NCKAP5: variants seen among roughly 807,000 people sequenced by gnomAD.
NCKAP5 encodes the protein NCK associated protein 5.
In NCKAP5, 92 loss-of-function variants were observed where a neutral mutation model predicts 167.0. That is an observed-to-expected ratio of 0.55 (90% CI 0.47 to 0.66). NCKAP5 has a LOEUF of 0.66. Among genes scored for constraint, NCKAP5 ranks in the 30% least tolerant of loss-of-function variants. The probability of loss-of-function intolerance (pLI) is 0.00; values close to 1 mark genes in which losing one functional copy is unlikely to be tolerated. For missense variants in NCKAP5, 2,378 were observed against 2,315.0 expected, an observed-to-expected ratio of 1.03 and a Z score of -0.56; for synonymous variants, 891 against 877.4, an observed-to-expected ratio of 1.02 and a Z score of -0.27.
At chr2:132,758,355 A>G (rs1680726517) in intron 16 of NCKAP5, among the ~76,000 whole-genome samples, 1 of 152,210 alleles carries the variant, frequency 6.6e-6, no homozygotes, top group Non-Finnish European at 1.5e-5. Context: ...TTGTAAATCT[A>G]CAAGTCATTT....
At chr2:133,202,195 C>T (rs1452723649) in intron 5 of NCKAP5, among the ~76,000 whole-genome samples, 5 of 152,032 alleles carry the variant, frequency 3.3e-5, no homozygotes, top group Non-Finnish European at 5.9e-5. Context: ...GAGATATAGA[C>T]CAATGGAACA....
intron 6 of NCKAP5, 63 bp downstream of exon 6, chr2:133,129,915 A>C: frequency 6.8e-7 from 1 of 1,481,362 alleles, no homozygotes; most frequent in East Asian, 2.5e-5. Context: ...ATTCAATCCA[A>C]GGTGTTACTG....
At chr2:133,431,872 C>A (rs1408261985) in intron 3 of NCKAP5, 2 of 152,026 alleles carry the variant, frequency 1.3e-5, no homozygotes, top group Admixed American at 1.3e-4. Context: ...GGAATCAAAT[C>A]CATTTACATG....
intron 6 of NCKAP5, among the ~76,000 whole-genome samples, chr2:133,056,622 C>T (rs2079810171): frequency 6.6e-6 from 1 of 152,144 alleles, no homozygotes. Flanking sequence ...TAGTTAAAGG[C>T]TACATGGGCT....
At chr2:133,123,935 C>A (rs991967794) in intron 6 of NCKAP5, 7 of 379,468 alleles carry the variant, frequency 1.8e-5, no homozygotes, top group Non-Finnish European at 3.3e-5. Context: ...TCCAAATGGG[C>A]AGCAGAAAAT....
intron 4 of NCKAP5, among the ~76,000 whole-genome samples, chr2:133,239,854 G>A (rs545505170): frequency 5.3e-4 from 80 of 152,200 alleles, no homozygotes; most frequent in Admixed American, 1.5e-3. Context: ...CTTACCTAGG[G>A]GATGTTTCCA....
intron 8 of NCKAP5, among the ~76,000 whole-genome samples, chr2:132,940,023 T>G (rs1697173938): frequency 6.6e-6 from 1 of 152,072 alleles, no homozygotes; most frequent in Non-Finnish European, 1.5e-5. Context: ...CATAGTAGTC[T>G]TTTATCCCTC....
At chr2:132,907,125 A>G (rs978233694) in intron 8 of NCKAP5, among the ~76,000 whole-genome samples, 1 of 152,234 alleles carries the variant, frequency 6.6e-6, no homozygotes, top group Non-Finnish European at 1.5e-5. Context: ...ATATTACTAA[A>G]CATTACTTTT....
intron 2 of NCKAP5, among the ~76,000 whole-genome samples, chr2:133,553,002 C>A (rs1310552162): frequency 6.6e-6 from 1 of 152,120 alleles, no homozygotes; most frequent in Non-Finnish European, 1.5e-5. Flanking sequence ...AAGATTCATG[C>A]ACATTAAAAT....
At chr2:133,603,514 C>T in the NCKAP5 span, among the ~76,000 whole-genome samples, 3,632 of 151,950 alleles carry the variant, frequency 0.024, 150 homozygotes, top group African/African-American at 0.083. Flanking sequence ...CGTGAGCCAC[C>T]GTGCCCAGCC....
chr2:133,386,413 C>T (rs532046264), intron 3 of NCKAP5, among the ~76,000 whole-genome samples: 9 of 152,144 alleles, frequency 5.9e-5, no homozygotes, highest in South Asian at 2.1e-4. Context: ...GTCTGAGAGA[C>T]AGTTTGTTAT....
intron 6 of NCKAP5, among the ~76,000 whole-genome samples, chr2:133,071,897 C>T (rs1283071854): frequency 6.6e-6 from 1 of 152,160 alleles, no homozygotes; most frequent in African/African-American, 2.4e-5. Flanking sequence ...GATCCCACCT[C>T]TGCCATTCAC....
chr2:133,547,060 A>C (rs1686762649), intron 2 of NCKAP5, among the ~76,000 whole-genome samples: 1 of 152,234 alleles, frequency 6.6e-6, no homozygotes, highest in Non-Finnish European at 1.5e-5. Context: ...GCATTGCCTC[A>C]CTTGGGAAGT....
chr2:132,815,425 C>T (rs894800341), intron 11 of NCKAP5, among the ~76,000 whole-genome samples: 3 of 152,048 alleles, frequency 2.0e-5, no homozygotes, highest in Non-Finnish European at 4.4e-5. Context: ...AGTATTCAGC[C>T]GATTTTAAAG....
At chr2:133,489,171 GTTC>G (rs1227174145) in intron 3 of NCKAP5, among the ~76,000 whole-genome samples, 1 of 152,102 alleles carries the variant, frequency 6.6e-6, no homozygotes, top group Non-Finnish European at 1.5e-5. Flanking sequence ...GTTTTATTTG[GTTC>G]TTCTGCATTT....
intron 6 of NCKAP5, among the ~76,000 whole-genome samples, chr2:133,126,114 C>A (rs975304860): frequency 6.6e-6 from 1 of 152,170 alleles, no homozygotes; most frequent in African/African-American, 2.4e-5. Context: ...AGCCATGGAC[C>A]ACCTCTCCTG....
chr2:133,522,652 A>G (rs532448827), intron 2 of NCKAP5, among the ~76,000 whole-genome samples: 1 of 152,314 alleles, frequency 6.6e-6, no homozygotes, highest in African/African-American at 2.4e-5. Flanking sequence ...GAACATATAA[A>G]GAGCAGGGCA....
intron 3 of NCKAP5, among the ~76,000 whole-genome samples, chr2:133,311,647 A>T (rs1297376490): frequency 1.3e-5 from 2 of 152,194 alleles, no homozygotes; most frequent in Non-Finnish European, 2.9e-5. Context: ...ATAGAACAAA[A>T]GATGATCCTA....
chr2:133,067,989 T>C (rs2080256032), intron 6 of NCKAP5, among the ~76,000 whole-genome samples: 1 of 152,156 alleles, frequency 6.6e-6, no homozygotes, highest in Non-Finnish European at 1.5e-5. Context: ...CTGACCCTAA[T>C]AAGAGTCATG....
Sources: gnomAD v4.1 joint callset for allele counts (sites outside exome capture counted in the v4.1 genomes callset) on GRCh38, gnomAD v4.1.1 for gene constraint, MANE v1.5 for transcripts, NCBI Gene and HGNC (gene_info 2026-07-23, HGNC 2026-07-21) for gene names.